Variants in NPAS3 observed in about 807,000 individuals in gnomAD.
NPAS3 encodes the protein neuronal PAS domain-containing protein 3.
Under a neutral mutation model 73.1 loss-of-function variants are expected in NPAS3, and 14 were observed. The observed-to-expected ratio is 0.19, with a 90% confidence interval of 0.13 to 0.30. NPAS3 has a LOEUF of 0.30. Ranked by LOEUF, NPAS3 falls within the 10% of genes least tolerant of loss-of-function variation. The pLI is 1.00. For missense variants in NPAS3, 1,096 were observed against 1,250.0 expected, an observed-to-expected ratio of 0.88 and a Z score of 1.86; for synonymous variants, 620 against 541.5, an observed-to-expected ratio of 1.14 and a Z score of -2.01.
chr14:33,783,750 G>C (rs930738692), intron 9 of NPAS3, among the ~76,000 whole-genome samples: 12 of 152,190 alleles, frequency 7.9e-5, no homozygotes, highest in Non-Finnish European at 1.2e-4. Context: ...GTGGGGCAGT[G>C]GTGTCAGCAC....
chr14:33,761,045 T>C (rs2062269737), intron 7 of NPAS3, among the ~76,000 whole-genome samples: 1 of 152,196 alleles, frequency 6.6e-6, no homozygotes, highest in Admixed American at 6.5e-5. Context: ...ATGATAGAGC[T>C]ACCAAGAACT....
intron 2 of NPAS3, among the ~76,000 whole-genome samples, chr14:33,057,528 A>G (rs144767559): frequency 6.6e-6 from 1 of 152,332 alleles, no homozygotes; most frequent in Non-Finnish European, 1.5e-5. Context: ...TTTTTAATTA[A>G]GTCAGTTTCA....
intron 7 of NPAS3, among the ~76,000 whole-genome samples, chr14:33,748,031 C>T (rs887019095): frequency 2.6e-5 from 4 of 152,166 alleles, no homozygotes; most frequent in Non-Finnish European, 4.4e-5. Context: ...TTTTCCTCTC[C>T]TACTACAGTA....
At chr14:33,286,897 GC>G (rs1454624303) in intron 3 of NPAS3, among the ~76,000 whole-genome samples, 5 of 152,144 alleles carry the variant, frequency 3.3e-5, no homozygotes, top group Admixed American at 3.3e-4. Context: ...TAAAAGAGCA[GC>G]CGTGATTTCC....
intron 3 of NPAS3, among the ~76,000 whole-genome samples, chr14:33,300,048 C>A (rs1436746212): frequency 6.6e-6 from 1 of 152,108 alleles, no homozygotes; most frequent in Non-Finnish European, 1.5e-5. Flanking sequence ...AAGACCACTC[C>A]CAGTATCTTA....
intron 6 of NPAS3, among the ~76,000 whole-genome samples, chr14:33,706,056 C>A (rs751551794): frequency 1.3e-4 from 20 of 152,250 alleles, no homozygotes; most frequent in Non-Finnish European, 2.1e-4. Context: ...TGTGGCCACA[C>A]AACCCTTTTC....
At chr14:33,084,740 T>G (rs2041966683) in intron 2 of NPAS3, among the ~76,000 whole-genome samples, 1 of 152,076 alleles carries the variant, frequency 6.6e-6, no homozygotes, top group Admixed American at 6.6e-5. Context: ...AAGGAATATG[T>G]GGTCTTGTGG....
chr14:33,297,229 T>C (rs1040628598), intron 3 of NPAS3, among the ~76,000 whole-genome samples: 3 of 151,926 alleles, frequency 2.0e-5, no homozygotes, highest in African/African-American at 7.3e-5. Flanking sequence ...TCTCTTTGCC[T>C]CAGTTTCCTC....
chr14:33,454,416 A>T (rs1217079730), intron 4 of NPAS3, among the ~76,000 whole-genome samples: 2 of 152,354 alleles, frequency 1.3e-5, no homozygotes, highest in East Asian at 3.9e-4. Context: ...AATGAGGATA[A>T]TAAACAGACT....
intron 1 of NPAS3, among the ~76,000 whole-genome samples, chr14:33,010,685 C>T (rs2039157463): frequency 6.6e-6 from 1 of 152,118 alleles, no homozygotes; most frequent in African/African-American, 2.4e-5. Flanking sequence ...GGCATAGTGG[C>T]TCACGCCTGT....
chr14:33,427,303 T>A (rs2048596072), intron 4 of NPAS3, among the ~76,000 whole-genome samples: 2 of 151,924 alleles, frequency 1.3e-5, no homozygotes. Context: ...GCCTGTTCTC[T>A]CTGCCACCTG....
At chr14:33,009,703 T>C (rs1387304174) in intron 1 of NPAS3, among the ~76,000 whole-genome samples, 1 of 152,202 alleles carries the variant, frequency 6.6e-6, no homozygotes, top group African/African-American at 2.4e-5. Context: ...AAGGCCATAG[T>C]ACCACTTTTT....
chr14:33,661,873 C>A, intron 5 of NPAS3, among the ~76,000 whole-genome samples: 1 of 152,126 alleles, frequency 6.6e-6, no homozygotes, highest in South Asian at 2.1e-4. Flanking sequence ...AAGTTTTCAC[C>A]CCTCTCTTCC....
intron 6 of NPAS3, among the ~76,000 whole-genome samples, chr14:33,709,512 GGAT>G (rs1156395552): frequency 2.0e-5 from 3 of 152,116 alleles, no homozygotes; most frequent in African/African-American, 7.2e-5. Flanking sequence ...TGGCTGAATT[GGAT>G]GATGTCAGAG....
chr14:33,342,821 A>G (rs932163980), intron 3 of NPAS3, among the ~76,000 whole-genome samples: 3 of 152,028 alleles, frequency 2.0e-5, no homozygotes, highest in Admixed American at 2.0e-4. Context: ...ATTATTTTTC[A>G]ATGAGAATGA....
rs535407624 is a variant in NPAS3 at position 33,558,636 on chromosome 14, A to G, written c.469-1485A>G. On this transcript the variant is annotated intron_variant, in intron 4 of 11. Transcript: ENST00000356141. ...TCTGTATGCATACATATATATACAC[A>G]TATATATATAAGAATATATATAATA... Among the ~76,000 whole-genome samples the G allele has an allele frequency of 4.7e-3, 709 of 151,418 alleles. 6 individuals are homozygous for G. Among genetic ancestry groups the G allele is most frequent in the African/African-American group, 0.016 (678 of 41,326 alleles).
At chr14:33,073,195 G>A (rs952423371) in intron 2 of NPAS3, among the ~76,000 whole-genome samples, 1 of 152,140 alleles carries the variant, frequency 6.6e-6, no homozygotes, top group Non-Finnish European at 1.5e-5. Flanking sequence ...CATTTATCAA[G>A]GAAATATTTA....
intron 5 of NPAS3, 68 bp downstream of exon 5, chr14:33,560,278 C>T (rs1278378909): frequency 1.3e-6 from 1 of 750,814 alleles, no homozygotes; most frequent in Non-Finnish European, 2.4e-6. Flanking sequence ...GTTTTTCCTT[C>T]TTCAAGGAAT....
intron 4 of NPAS3, among the ~76,000 whole-genome samples, chr14:33,552,805 T>C (rs946623508): frequency 6.6e-6 from 1 of 152,156 alleles, no homozygotes; most frequent in Non-Finnish European, 1.5e-5. Flanking sequence ...TTTATATTAC[T>C]TCTGCCAAGG....
Sources: gnomAD v4.1 joint callset for allele counts (sites outside exome capture counted in the v4.1 genomes callset) on GRCh38, gnomAD v4.1.1 for gene constraint, MANE v1.5 for transcripts, NCBI Gene and HGNC (gene_info 2026-07-23, HGNC 2026-07-21) for gene names.